Variants in GRIP1 observed in about 807,000 individuals in gnomAD.
GRIP1 encodes glutamate receptor interacting protein 1, also known as glutamate receptor-interacting protein 1.
GRIP1 carries 45 observed loss-of-function variants against 129.9 expected under a neutral mutation model. That is an observed-to-expected ratio of 0.35 (90% CI 0.27 to 0.44). The LOEUF (loss-of-function observed/expected upper bound fraction) is 0.44. GRIP1 is among the 20% of genes least tolerant of loss of function. GRIP1 has a pLI of 1.00. For missense variants in GRIP1, 1,196 were observed against 1,396.8 expected, an observed-to-expected ratio of 0.86 and a Z score of 2.29; for synonymous variants, 530 against 520.8, an observed-to-expected ratio of 1.02 and a Z score of -0.24.
Position 66,371,860 on chromosome 12 carries a change from C to T in GRIP1, c.2846G>A (p.Gly949Glu), listed in dbSNP as rs768200863. ...GCGCTCCTGGAAGCTGGCCTGTCGC[C>T]CCAGCTGACTGCGAGGTGTTGGAGC... is the stretch of plus-strand genomic sequence containing the variant. ...HEAPTPRSQL[G>E]RQASFQERSS... Residue 949 changes from glycine (G) to glutamate (E), a missense_variant, in exon 23 of 25, where the codon GGG (glycine) becomes GAG (glutamate). Gly to Glu is a moderately conservative substitution (Grantham distance 98). Around this residue, in one of 5 missense-constraint regions of GRIP1, gnomAD observed 427 missense variants for 463.3 expected, o/e 0.92. Transcript: ENST00000359742. 1.9e-6 allele frequency: 3 copies of T among 1,613,576 alleles called. No homozygotes were observed. The highest frequency in any genetic ancestry group is 3.3e-5 in the Admixed American group (2 of 59,992).
intron 16 of GRIP1, among the ~76,000 whole-genome samples, chr12:66,397,133 A>AAG (rs1565698203): frequency 7.3e-5 from 11 of 150,758 alleles, no homozygotes; most frequent in African/African-American, 2.7e-4. Flanking sequence ...AAAAAAAAAA[A>AAG]AGAGAAAAGG....
At chr12:66,806,850 C>G (rs1273330332), upstream of GRIP1, among the ~76,000 whole-genome samples, 1 of 150,346 alleles carries the variant, frequency 6.7e-6, no homozygotes, top group East Asian at 1.9e-4. Flanking sequence ...ATTTCAGTAT[C>G]TGTAATGATA....
chr12:66,938,741 C>A (rs7135795), intron 1 of GRIP1, among the ~76,000 whole-genome samples: 7 of 151,744 alleles, frequency 4.6e-5, no homozygotes, highest in Admixed American at 1.3e-4. Flanking sequence ...GGCAGATCAC[C>A]AGGTCAGGAG....
chr12:66,795,675 A>G (rs2038674708), intron 1 of GRIP1, among the ~76,000 whole-genome samples: 1 of 152,208 alleles, frequency 6.6e-6, no homozygotes, highest in African/African-American at 2.4e-5. Context: ...TGATAGTAAC[A>G]TAATCTACAA....
intron 1 of GRIP1, among the ~76,000 whole-genome samples, chr12:66,778,810 A>G (rs182009438): frequency 6.6e-6 from 1 of 152,294 alleles, no homozygotes; most frequent in Admixed American, 6.5e-5. Flanking sequence ...AGTAGTAAAA[A>G]CTTTAGTAGA....
intron 1 of GRIP1, among the ~76,000 whole-genome samples, chr12:67,049,082 T>C (rs1016367685): frequency 2.0e-4 from 30 of 152,184 alleles, no homozygotes; most frequent in African/African-American, 7.0e-4. Context: ...ACCTCAGCCT[T>C]ACACAGTGCT....
intron 15 of GRIP1, among the ~76,000 whole-genome samples, chr12:66,407,242 C>T (rs4344533): frequency 0.52 from 74,938 of 143,564 alleles, 22,138 homozygotes; most frequent in Non-Finnish European, 0.66. Flanking sequence ...TCCCCACCTC[C>T]TGCCTGTAGC....
At chr12:66,841,625 C>A (rs992389787) in intron 1 of GRIP1, among the ~76,000 whole-genome samples, 1 of 152,164 alleles carries the variant, frequency 6.6e-6, no homozygotes, top group East Asian at 1.9e-4. Flanking sequence ...CAGTCTCCTG[C>A]CTTTGTAAGC....
At chr12:66,735,110 G>C (rs1373772631) in intron 1 of GRIP1, among the ~76,000 whole-genome samples, 1 of 152,128 alleles carries the variant, frequency 6.6e-6, no homozygotes, top group African/African-American at 2.4e-5. Flanking sequence ...TCAAATGCTT[G>C]TCCTCACAGC....
chr12:66,792,578 G>A (rs994801504), intron 1 of GRIP1, among the ~76,000 whole-genome samples: 1 of 152,026 alleles, frequency 6.6e-6, no homozygotes, highest in Non-Finnish European at 1.5e-5. Context: ...TTTTCATAGA[G>A]GCAGAGTCTC....
intron 1 of GRIP1, among the ~76,000 whole-genome samples, chr12:66,693,641 G>C (rs1483535705): frequency 6.6e-6 from 1 of 152,072 alleles, no homozygotes. Flanking sequence ...CCGGTAAAAT[G>C]TACACAAATT....
chr12:66,522,993 G>T (rs984680360), intron 5 of GRIP1, among the ~76,000 whole-genome samples: 17 of 152,284 alleles, frequency 1.1e-4, no homozygotes, highest in African/African-American at 4.1e-4. Flanking sequence ...AGAATAAAAA[G>T]AAACAAACAA....
At chr12:66,642,415 ATG>A (rs113841598) in intron 1 of GRIP1, among the ~76,000 whole-genome samples, 3 of 150,778 alleles carry the variant, frequency 2.0e-5, no homozygotes, top group East Asian at 2.0e-4. Context: ...AAGAGGGTGC[ATG>A]TGTGTGTGTG....
intron 1 of GRIP1, among the ~76,000 whole-genome samples, chr12:66,986,389 T>G (rs2042311381): frequency 6.6e-6 from 1 of 151,620 alleles, no homozygotes; most frequent in Non-Finnish European, 1.5e-5. Context: ...GTATGTTTAT[T>G]GAGGCACTAT....
chr12:66,420,479 T>C (rs1472591624), intron 15 of GRIP1, among the ~76,000 whole-genome samples: 2 of 149,940 alleles, frequency 1.3e-5, no homozygotes, highest in African/African-American at 4.9e-5. Context: ...GAGCCTATGC[T>C]AGATTCATGA....
At chr12:67,005,241 G>C (rs1397216073) in intron 1 of GRIP1, among the ~76,000 whole-genome samples, 1 of 152,074 alleles carries the variant, frequency 6.6e-6, no homozygotes, top group Non-Finnish European at 1.5e-5. Context: ...TTAAAAACTA[G>C]TTTTCCATCC....
At chr12:66,562,770 T>C (rs978077646) in intron 2 of GRIP1, among the ~76,000 whole-genome samples, 1 of 152,184 alleles carries the variant, frequency 6.6e-6, no homozygotes, top group African/African-American at 2.4e-5. Flanking sequence ...AAAATCCACA[T>C]GTAACTTTTG....
At chr12:66,507,584 T>C (rs2060569050) in intron 7 of GRIP1, among the ~76,000 whole-genome samples, 1 of 152,126 alleles carries the variant, frequency 6.6e-6, no homozygotes, top group East Asian at 1.9e-4. Flanking sequence ...CCAATAAACC[T>C]ATAGTTTTTG....
At chr12:66,741,815 G>A (rs1282546740) in intron 1 of GRIP1, among the ~76,000 whole-genome samples, 3 of 152,158 alleles carry the variant, frequency 2.0e-5, no homozygotes, top group Admixed American at 1.3e-4. Context: ...AGATAGGACA[G>A]ACTAGACCAT....
Sources: allele counts gnomAD v4.1 joint callset (sites outside exome capture counted in the v4.1 genomes callset), GRCh38; gene constraint gnomAD v4.1.1; regional missense constraint gnomAD v4.1.1; transcripts MANE v1.5; gene names NCBI Gene and HGNC (gene_info 2026-07-23, HGNC 2026-07-21).